Variants in ABI2 observed in about 807,000 individuals in gnomAD.
ABI2 encodes the protein abl interactor 2.
ABI2 carries 25 observed loss-of-function variants against 59.2 expected under a neutral mutation model. The ratio of observed to expected loss-of-function variants is 0.42; its 90% CI spans 0.31 to 0.59. ABI2 has a LOEUF of 0.59. ABI2 is among the 20% of genes least tolerant of loss of function. The probability of loss-of-function intolerance (pLI) is 0.14; values close to 1 mark genes in which losing one functional copy is unlikely to be tolerated. For missense variants in ABI2, 545 were observed against 681.8 expected, an observed-to-expected ratio of 0.80 and a Z score of 2.23; for synonymous variants, 213 against 235.5, an observed-to-expected ratio of 0.90 and a Z score of 0.87.
Position 203,376,836 on chromosome 2 carries a change from A to G in ABI2, c.286-3372A>G, listed in dbSNP as rs183697271. Among the ~76,000 whole-genome samples, 21 of 151,200 alleles carry G rather than the reference A, an allele frequency of 1.4e-4. No individual in the cohort carries two copies. In the East Asian group the frequency reaches 4.1e-3, roughly 29 times the overall value. On this transcript the variant is annotated intron_variant, in intron 2 of 11. Coordinates refer to ENST00000261018, the MANE Select transcript of ABI2 (RefSeq NM_001375670.1). Reference sequence around the variant, plus strand: ...TGTGGGTAATATGTAAATGTCCCCAATCCCTAGACCAAGTCACATCTCTAT... The same window carrying G: ...TGTGGGTAATATGTAAATGTCCCCAGTCCCTAGACCAAGTCACATCTCTAT...
intron 9 of ABI2, among the ~76,000 whole-genome samples, chr2:203,404,675 C>T (rs192597116): frequency 6.6e-6 from 1 of 152,182 alleles, no homozygotes; most frequent in African/African-American, 2.4e-5. Context: ...TCTCCTGCCT[C>T]AGCCTCCCAA....
intron 4 of ABI2, among the ~76,000 whole-genome samples, chr2:203,384,989 C>T (rs1476099687): frequency 6.6e-6 from 1 of 151,914 alleles, no homozygotes; most frequent in Admixed American, 6.6e-5. Context: ...TGCCTGCCAC[C>T]ACGCCTGGCT....
intron 9 of ABI2, among the ~76,000 whole-genome samples, chr2:203,408,980 A>G (rs1580069809): frequency 6.7e-6 from 1 of 149,378 alleles, no homozygotes; most frequent in Non-Finnish European, 1.5e-5. Flanking sequence ...CTGGGACTAC[A>G]GGCGCCCGCC....
chr2:203,405,384 C>T (rs1437493813), intron 9 of ABI2, among the ~76,000 whole-genome samples: 1 of 151,910 alleles, frequency 6.6e-6, no homozygotes, highest in African/African-American at 2.4e-5. Context: ...ATTTTATATT[C>T]ATTAGAATAT....
intron 2 of ABI2, among the ~76,000 whole-genome samples, chr2:203,372,011 G>A (rs1010974244): frequency 6.6e-6 from 1 of 151,736 alleles, no homozygotes; most frequent in African/African-American, 2.4e-5. Context: ...TAATAGTGGA[G>A]GGAAGGTCAG....
At chr2:203,385,953 T>C (rs1019872094) in intron 4 of ABI2, among the ~76,000 whole-genome samples, 2 of 152,222 alleles carry the variant, frequency 1.3e-5, no homozygotes, top group Non-Finnish European at 2.9e-5. Flanking sequence ...TAGGCTTTTT[T>C]GTCTTTTAAC....
chr2:203,402,408 C>T (rs1559341570), intron 8 of ABI2, among the ~76,000 whole-genome samples, 168 bp from the exon 9 acceptor site: 1 of 152,180 alleles, frequency 6.6e-6, no homozygotes, highest in Non-Finnish European at 1.5e-5. Flanking sequence ...CTTTTGTACT[C>T]TGATATAATA....
At chr2:203,397,771 T>TAC (rs1430929978) in intron 8 of ABI2, among the ~76,000 whole-genome samples, 1 of 152,164 alleles carries the variant, frequency 6.6e-6, no homozygotes, top group African/African-American at 2.4e-5. Context: ...TCAGGAAACT[T>TAC]ACACTCATGG....
chr2:203,340,839 A>G (rs2079433543), intron 1 of ABI2, among the ~76,000 whole-genome samples: 1 of 152,106 alleles, frequency 6.6e-6, no homozygotes, highest in African/African-American at 2.4e-5. Context: ...AAAAAACCCA[A>G]AGCAAACTGA....
At chr2:203,338,480 T>C (rs966067078) in intron 1 of ABI2, among the ~76,000 whole-genome samples, 4 of 152,076 alleles carry the variant, frequency 2.6e-5, no homozygotes, top group Non-Finnish European at 4.4e-5. Flanking sequence ...ACGTGAGAAC[T>C]GGTTGTTTAA....
chr2:203,352,612 AT>A (rs2089522823), intron 1 of ABI2, among the ~76,000 whole-genome samples: 2 of 152,220 alleles, frequency 1.3e-5, no homozygotes, highest in African/African-American at 4.8e-5. Context: ...AAAGAAAAAA[AT>A]GTTGTACAAC....
At chr2:203,421,477 G>A (rs1405133696) in intron 11 of ABI2, among the ~76,000 whole-genome samples, 2 of 152,184 alleles carry the variant, frequency 1.3e-5, no homozygotes, top group African/African-American at 4.8e-5. Context: ...GTTACTCAGT[G>A]GAGTAATTCT....
chr2:203,383,331 A>G (rs1358020354), intron 4 of ABI2: 3 of 154,786 alleles, frequency 1.9e-5, no homozygotes, highest in Non-Finnish European at 4.4e-5. Flanking sequence ...GGTGAGTAAG[A>G]TGTGGAATTG....
At position 203,380,308 on chromosome 2, in the gene ABI2, A is replaced by G; in HGVS notation, c.386A>G (p.Asn129Ser). 2 of 1,609,220 alleles carry G rather than the reference A, an allele frequency of 1.2e-6. No individual in the cohort carries two copies. Among genetic ancestry groups the G allele is most frequent in the Non-Finnish European group, 1.7e-6 (2 of 1,178,226 alleles). Residue 129 changes from asparagine (N) to serine (S), a missense_variant, in exon 3 of 12, where the codon AAC (asparagine) becomes AGC (serine). Around this residue, in one of 4 missense-constraint regions of ABI2, gnomAD observed 410 missense variants for 435.6 expected, o/e 0.94. Transcript: ENST00000261018. ...SRTHKIIAPA[N>S]LERPVRYIRK... ...ACACATAAGATTATTGCTCCAGCCA[A>G]CCTTGAACGACCAGTTCGTTATATT...
At chr2:203,355,659 G>T (rs754345879) in intron 1 of ABI2, among the ~76,000 whole-genome samples, 1 of 151,184 alleles carries the variant, frequency 6.6e-6, no homozygotes, top group Non-Finnish European at 1.5e-5. Flanking sequence ...GAGAAACCCC[G>T]TCTTTACTAA....
chr2:203,406,016 G>A (rs778527953), intron 9 of ABI2, among the ~76,000 whole-genome samples: 16 of 152,090 alleles, frequency 1.1e-4, no homozygotes, highest in Non-Finnish European at 2.1e-4. Flanking sequence ...CCTTTGATCA[G>A]GGCATAACTG....
intron 8 of ABI2, among the ~76,000 whole-genome samples, chr2:203,398,567 T>C (rs367549964): frequency 2.0e-5 from 3 of 152,202 alleles, no homozygotes; most frequent in Admixed American, 1.3e-4. Context: ...GTATAACTTA[T>C]GTACAGTAAA....
chr2:203,386,517 A>T, intron 4 of ABI2: 3 of 712,916 alleles, frequency 4.2e-6, no homozygotes, highest in Non-Finnish European at 5.1e-6. Context: ...AAACTTAACA[A>T]GTTTAAGAAA....
At chr2:203,402,965 A>AT (rs1390914239) in intron 9 of ABI2, among the ~76,000 whole-genome samples, 13 of 152,146 alleles carry the variant, frequency 8.5e-5, no homozygotes, top group Admixed American at 6.6e-5. Flanking sequence ...TCTGAGCAGA[A>AT]TTTTTTTGAA....
Sources: gnomAD v4.1 joint callset for allele counts (sites outside exome capture counted in the v4.1 genomes callset) on GRCh38, gnomAD v4.1.1 for gene constraint, gnomAD v4.1.1 regional missense constraint, MANE v1.5 for transcripts, NCBI Gene and HGNC (gene_info 2026-07-23, HGNC 2026-07-21) for gene names.